The following SERPINB10 variants were observed in gnomAD, a reference collection of about 807,000 sequenced individuals.
The protein encoded by SERPINB10 is serpin family B member 10, also known as serpin B10.
A neutral mutation model predicts 39.1 loss-of-function variants in SERPINB10; 35 were observed. The ratio of observed to expected loss-of-function variants is 0.90; its 90% confidence interval spans 0.68 to 1.19. The LOEUF (loss-of-function observed/expected upper bound fraction) is 1.19, where lower values mean the gene tolerates loss of function less well. Ranked by LOEUF, SERPINB10 falls within the 50% of genes most tolerant of loss-of-function variation. The pLI is 0.00. For synonymous variants in SERPINB10, 190 were observed against 158.1 expected, an observed-to-expected ratio of 1.20 and a Z score of -1.52; for missense variants, 546 against 460.5, an observed-to-expected ratio of 1.19 and a Z score of -1.70.
chr18:63,923,038 G>T (rs1295400580), intron 5 of SERPINB10, among the ~76,000 whole-genome samples: 1 of 151,836 alleles, frequency 6.6e-6, no homozygotes, highest in Non-Finnish European at 1.5e-5. Context: ...CCACAGTATG[G>T]GACATCCACA....
chr18:63,926,301 C>T (rs2050181255), intron 5 of SERPINB10, among the ~76,000 whole-genome samples: 1 of 151,968 alleles, frequency 6.6e-6, no homozygotes, highest in Non-Finnish European at 1.5e-5. Context: ...GTCTCTGCAT[C>T]TTCTCATGGC....
At chr18:63,928,319 A>C (rs1190845417) in intron 5 of SERPINB10, among the ~76,000 whole-genome samples, 2 of 152,056 alleles carry the variant, frequency 1.3e-5, no homozygotes, top group African/African-American at 4.8e-5. Flanking sequence ...GTGCCTCTAG[A>C]GCAAACCTAT....
At chr18:63,914,423 G>A (rs546007030) in intron 1 of SERPINB10, among the ~76,000 whole-genome samples, 2 of 151,956 alleles carry the variant, frequency 1.3e-5, no homozygotes, top group African/African-American at 4.8e-5. Flanking sequence ...ACTTCCTTAA[G>A]GATTTCTTGT....
chr18:63,935,899 C>T lies in SERPINB10; in HGVS notation c.*657C>T, dbSNP rs1295575672. ...TAAAAAATACTTATATTGACATTAG[C>T]TTAAAAAACTAGTGAAATCCAAATG... On this transcript the variant is annotated 3_prime_UTR_variant, in exon 8 of 8. Coordinates refer to ENST00000238508, the MANE Select transcript of SERPINB10 (RefSeq NM_005024.3). 6.6e-6 allele frequency: 1 copy of T among 152,154 alleles called. No individual in the cohort carries two copies. Among genetic ancestry groups the T allele is most frequent in the African/African-American group, 2.4e-5 (1 of 41,420 alleles). The allele number at this position is 152,154 out of a possible 1,614,324, so 9.4% of individuals were successfully genotyped here.
intron 3 of SERPINB10, among the ~76,000 whole-genome samples, 193 bp from the exon 4 acceptor site, chr18:63,917,772 T>C (rs1368892840): frequency 6.6e-6 from 1 of 152,046 alleles, no homozygotes; most frequent in African/African-American, 2.4e-5. Flanking sequence ...GCAAACTAAA[T>C]GTGAAGAAAA....
At chr18:63,908,693 G>A (rs1051075868) in intron 1 of SERPINB10, among the ~76,000 whole-genome samples, 2 of 151,996 alleles carry the variant, frequency 1.3e-5, no homozygotes, top group Non-Finnish European at 2.9e-5. Context: ...AAGGCCTTAG[G>A]TGAATAGAGA....
At chr18:63,929,959 TC>T in intron 5 of SERPINB10, 85 bp from the exon 6 acceptor site, 1 of 1,404,094 alleles carries the variant, frequency 7.1e-7, no homozygotes. Context: ...CTTTTATAGT[TC>T]CAGAAAAAAT....
chr18:63,915,358 A>T, intron 1 of SERPINB10, 144 bp from the exon 2 acceptor site: 1 of 482,026 alleles, frequency 2.1e-6, no homozygotes, highest in Non-Finnish European at 3.7e-6. Flanking sequence ...AAATACTATT[A>T]TTGGACTAGA....
chr18:63,928,353 A>G (rs969195607), intron 5 of SERPINB10, among the ~76,000 whole-genome samples: 2 of 152,084 alleles, frequency 1.3e-5, no homozygotes, highest in African/African-American at 4.8e-5. Flanking sequence ...AGAGATATAT[A>G]TTTGACGTAT....
chr18:63,915,502 G>T lies in SERPINB10; in HGVS notation c.-9G>T. 6.3e-7 allele frequency: 1 copy of T among 1,580,686 alleles called. No individual in the cohort carries two copies. The highest frequency in any genetic ancestry group is 8.6e-7 in the Non-Finnish European group (1 of 1,162,524). On this transcript the variant is annotated splice_region_variant and 5_prime_UTR_variant, in exon 2 of 8. Coordinates refer to ENST00000238508, the MANE Select transcript of SERPINB10 (RefSeq NM_005024.3). ...CTAATTTTTGCTTTATTTTTCTTAGGTTTCCTCAATGGACTCTCTAGCAAC... is the reference window on the plus strand; with the variant it reads ...CTAATTTTTGCTTTATTTTTCTTAGTTTTCCTCAATGGACTCTCTAGCAAC...
intron 4 of SERPINB10, among the ~76,000 whole-genome samples, chr18:63,918,420 T>C (rs1328006600): frequency 6.6e-6 from 1 of 151,988 alleles, no homozygotes; most frequent in East Asian, 1.9e-4. Context: ...ATGAGAGAAG[T>C]GAGGAGTTTT....
intron 5 of SERPINB10, among the ~76,000 whole-genome samples, chr18:63,928,272 T>C (rs1469394964): frequency 6.6e-6 from 1 of 152,076 alleles, no homozygotes; most frequent in African/African-American, 2.4e-5. Flanking sequence ...AAGAGGTTCT[T>C]CTCAATCCAG....
At chr18:63,914,597 A>T (rs2144720473) in intron 1 of SERPINB10, among the ~76,000 whole-genome samples, 1 of 152,148 alleles carries the variant, frequency 6.6e-6, no homozygotes, top group Non-Finnish European at 1.5e-5. Context: ...TGGGTATGGT[A>T]TATTGGCTTT....
intron 1 of SERPINB10, among the ~76,000 whole-genome samples, chr18:63,908,574 A>G (rs2050042064): frequency 6.6e-6 from 1 of 151,954 alleles, no homozygotes; most frequent in Admixed American, 6.6e-5. Flanking sequence ...CCACCATTTC[A>G]TGGGCCATTA....
Position 63,929,984 on chromosome 18 carries a change from T to C in SERPINB10, c.491-61T>C, listed in dbSNP as rs982837748. ...TCCAGAAAAAATAGAAGCCTGGTTG[T>C]CTTTAGTTAAAATATACATATTTCT... On this transcript the variant is annotated intron_variant, in intron 5 of 7. Transcript: ENST00000238508. 72 of 1,536,740 alleles carry C rather than the reference T, an allele frequency of 4.7e-5. No homozygotes were observed. In the East Asian group the frequency reaches 1.6e-3, roughly 34 times the overall value.
intron 5 of SERPINB10, among the ~76,000 whole-genome samples, chr18:63,921,702 C>CA (rs1315834796): frequency 1.7e-4 from 26 of 151,918 alleles, no homozygotes; most frequent in African/African-American, 6.3e-4. Context: ...CATGCTGCCC[C>CA]ATGACCTATG....
chr18:63,932,202 T>C (rs1223967620), intron 6 of SERPINB10, among the ~76,000 whole-genome samples: 1 of 152,224 alleles, frequency 6.6e-6, no homozygotes, highest in African/African-American at 2.4e-5. Flanking sequence ...TAAATAAATT[T>C]TCTATAAATA....
At chr18:63,912,761 A>G (rs1336037170) in intron 1 of SERPINB10, among the ~76,000 whole-genome samples, 1 of 151,780 alleles carries the variant, frequency 6.6e-6, no homozygotes, top group East Asian at 1.9e-4. Context: ...TGTTTTTTCC[A>G]GGTTTTGGTA....
chr18:63,918,112 A>G lies in SERPINB10; in HGVS notation c.372+10A>G, dbSNP rs1214084663. On this transcript the variant is annotated intron_variant, in intron 4 of 7. Transcript: ENST00000238508. The stretch of plus-strand genomic sequence containing the variant: ...GTATGCATTTCACAATGTAAGTGCA[A>G]ATGTCTTATTTTAAGCTAATGGAAA... The G allele has an allele frequency of 1.2e-6, 2 of 1,611,500 alleles. No homozygotes were observed. Among genetic ancestry groups the G allele is most frequent in the Admixed American group, 3.3e-5 (2 of 59,770 alleles).
Sources: gnomAD v4.1 joint callset for allele counts (sites outside exome capture counted in the v4.1 genomes callset) on GRCh38, gnomAD v4.1.1 for gene constraint, MANE v1.5 for transcripts, NCBI Gene and HGNC (gene_info 2026-07-23, HGNC 2026-07-21) for gene names.